Variants in EYS observed in about 807,000 individuals in gnomAD.
The protein encoded by EYS is protein eyes shut homolog.
EYS carries 250 observed loss-of-function variants against 282.1 expected under a neutral mutation model. The observed-to-expected ratio is 0.89, with a 90% CI of 0.80 to 0.98. The LOEUF is 0.98. Ranked by LOEUF, EYS falls within the 50% of genes least tolerant of loss-of-function variation. EYS has a pLI of 0.00. For synonymous variants in EYS, 1,355 were observed against 1,282.9 expected, an observed-to-expected ratio of 1.06 and a Z score of -1.20; for missense variants, 4,016 against 3,709.0, an observed-to-expected ratio of 1.08 and a Z score of -2.15.
chr6:64,162,347 A>G (rs537611402), intron 31 of EYS, among the ~76,000 whole-genome samples: 2 of 152,286 alleles, frequency 1.3e-5, no homozygotes, highest in African/African-American at 4.8e-5. Context: ...TTTCTTGTCC[A>G]CTACATTTCC....
chr6:64,912,927 C>T (rs1768046323), intron 15 of EYS, among the ~76,000 whole-genome samples, 184 bp from the exon 16 acceptor site: 1 of 151,840 alleles, frequency 6.6e-6, no homozygotes, highest in Non-Finnish European at 1.5e-5. Flanking sequence ...ATATATATTA[C>T]CATAAAACTT....
At chr6:64,939,715 A>G (rs749484820) in intron 15 of EYS, among the ~76,000 whole-genome samples, 2 of 151,832 alleles carry the variant, frequency 1.3e-5, no homozygotes, top group African/African-American at 4.8e-5. Context: ...TCATATGTAT[A>G]AGACATTGTT....
At chr6:64,670,716 C>G (rs1769426145) in intron 22 of EYS, among the ~76,000 whole-genome samples, 1 of 152,114 alleles carries the variant, frequency 6.6e-6, no homozygotes, top group South Asian at 2.1e-4. Flanking sequence ...CTTGGTTGTC[C>G]TAGTGCCAAA....
At chr6:65,395,225 G>A (rs529448254) in intron 7 of EYS, among the ~76,000 whole-genome samples, 13 of 152,140 alleles carry the variant, frequency 8.5e-5, no homozygotes, top group South Asian at 4.1e-4. Flanking sequence ...CACCATGCCC[G>A]GCTAATTTTG....
intron 19 of EYS, among the ~76,000 whole-genome samples, chr6:64,859,718 G>A (rs1030018758): frequency 2.6e-5 from 4 of 152,202 alleles, no homozygotes; most frequent in Admixed American, 1.3e-4. Flanking sequence ...CCCCAGCCAC[G>A]TGGAACTGTA....
At chr6:64,917,225 G>C (rs1462348912) in intron 15 of EYS, among the ~76,000 whole-genome samples, 2 of 150,860 alleles carry the variant, frequency 1.3e-5, no homozygotes, top group African/African-American at 4.9e-5. Flanking sequence ...TTCCAGCCTG[G>C]GTGACAGAGC....
intron 22 of EYS, among the ~76,000 whole-genome samples, chr6:64,812,999 G>A (rs559093321): frequency 1.3e-5 from 2 of 152,046 alleles, no homozygotes; most frequent in Admixed American, 6.6e-5. Flanking sequence ...GATAGGCATA[G>A]TAGTAACAGA....
intron 35 of EYS, among the ~76,000 whole-genome samples, chr6:63,872,757 C>A (rs1033342472): frequency 6.6e-6 from 1 of 151,398 alleles, no homozygotes; most frequent in Non-Finnish European, 1.5e-5. Context: ...GGATTACAGG[C>A]GTGAGCCACC....
intron 12 of EYS, among the ~76,000 whole-genome samples, chr6:65,119,535 A>G (rs1393752407): frequency 6.6e-6 from 1 of 151,826 alleles, no homozygotes; most frequent in Non-Finnish European, 1.5e-5. Context: ...ATTCTACTCA[A>G]TCTAGTATTC....
chr6:65,061,689 T>A (rs1235541841), intron 12 of EYS, among the ~76,000 whole-genome samples: 1 of 151,856 alleles, frequency 6.6e-6, no homozygotes, highest in Non-Finnish European at 1.5e-5. Context: ...TTAGTTTTCC[T>A]TTTAATTGTT....
intron 31 of EYS, among the ~76,000 whole-genome samples, chr6:64,085,337 C>CACGT (rs1772116269): frequency 7.7e-6 from 1 of 129,490 alleles, no homozygotes; most frequent in Non-Finnish European, 1.6e-5. Flanking sequence ...CGCACGTGCG[C>CACGT]GCGCACACAC....
chr6:64,316,100 C>T (rs1769949936), intron 29 of EYS, among the ~76,000 whole-genome samples: 1 of 152,152 alleles, frequency 6.6e-6, no homozygotes. Context: ...GACAAACTTA[C>T]AGCCAATATC....
At chr6:65,608,058 G>T (rs193041653) in intron 2 of EYS, among the ~76,000 whole-genome samples, 2 of 151,900 alleles carry the variant, frequency 1.3e-5, no homozygotes, top group Non-Finnish European at 2.9e-5. Context: ...TCTTTAGAAT[G>T]ATATAGATAA....
chr6:64,151,327 A>ATATATATATATT (rs1562226638), intron 31 of EYS, among the ~76,000 whole-genome samples: 5 of 86,294 alleles, frequency 5.8e-5, no homozygotes, highest in African/African-American at 2.6e-4. Flanking sequence ...TTATATATAT[A>ATATATATATATT]TATATATATA....
intron 15 of EYS, among the ~76,000 whole-genome samples, chr6:64,938,936 A>G (rs1218293406): frequency 1.3e-5 from 2 of 151,866 alleles, no homozygotes; most frequent in East Asian, 3.9e-4. Context: ...TTGGAATAGT[A>G]AAGGGGGACT....
intron 7 of EYS, among the ~76,000 whole-genome samples, chr6:65,385,883 G>A (rs1765781340): frequency 6.6e-6 from 1 of 151,890 alleles, no homozygotes; most frequent in Non-Finnish European, 1.5e-5. Context: ...CCTTCCTATT[G>A]AGGATGAGCA....
chr6:65,063,969 T>G (rs976029612), intron 12 of EYS, among the ~76,000 whole-genome samples: 10 of 151,588 alleles, frequency 6.6e-5, no homozygotes, highest in Non-Finnish European at 1.5e-4. Flanking sequence ...CTAGACTTTA[T>G]TATTAATGTA....
intron 12 of EYS, among the ~76,000 whole-genome samples, chr6:65,127,054 C>T (rs959241041): frequency 3.9e-5 from 6 of 152,128 alleles, no homozygotes; most frequent in East Asian, 1.9e-4. Flanking sequence ...GGGAAGCTTG[C>T]GACAATGAAA....
At chr6:65,175,518 A>G (rs545197708) in intron 12 of EYS, among the ~76,000 whole-genome samples, 1 of 151,336 alleles carries the variant, frequency 6.6e-6, no homozygotes, top group African/African-American at 2.4e-5. Context: ...CAAAAAAATT[A>G]AAATGAAGAA....
Sources: allele counts gnomAD v4.1 joint callset (sites outside exome capture counted in the v4.1 genomes callset), GRCh38; gene constraint gnomAD v4.1.1; transcripts MANE v1.5; gene names NCBI Gene and HGNC (gene_info 2026-07-23, HGNC 2026-07-21).